TRPC1: variants seen among roughly 807,000 people sequenced by gnomAD.
TRPC1 encodes transient receptor potential cation channel subfamily C member 1.
A neutral mutation model predicts 88.2 loss-of-function variants in TRPC1; 42 were observed. That is an observed-to-expected ratio of 0.48 (90% CI 0.37 to 0.62). TRPC1 has a LOEUF of 0.62. TRPC1 is among the 20% of genes least tolerant of loss of function. The probability of loss-of-function intolerance (pLI) is 0.00; values close to 1 mark genes in which losing one functional copy is unlikely to be tolerated. For synonymous variants in TRPC1, 288 were observed against 331.8 expected, an observed-to-expected ratio of 0.87 and a Z score of 1.43; for missense variants, 699 against 957.3, an observed-to-expected ratio of 0.73 and a Z score of 3.56.
At chr3:142,726,452 T>A (rs1933671488) in intron 1 of TRPC1, among the ~76,000 whole-genome samples, 2 of 152,172 alleles carry the variant, frequency 1.3e-5, no homozygotes, top group Admixed American at 1.3e-4. Context: ...TTTTATTTTA[T>A]AACATAATTG....
At chr3:142,732,439 G>C (rs1182995939) in intron 1 of TRPC1, among the ~76,000 whole-genome samples, 3 of 152,136 alleles carry the variant, frequency 2.0e-5, no homozygotes, top group Non-Finnish European at 4.4e-5. Flanking sequence ...GTTTATATGG[G>C]CCAAGGTGGA....
chr3:142,727,636 A>G (rs894177663), intron 1 of TRPC1, among the ~76,000 whole-genome samples: 14 of 152,146 alleles, frequency 9.2e-5, no homozygotes, highest in Admixed American at 9.2e-4. Context: ...GGAAAACCTT[A>G]ATTGAAAGTT....
intron 4 of TRPC1, among the ~76,000 whole-genome samples, chr3:142,773,047 T>C (rs1935630263): frequency 1.3e-5 from 2 of 152,170 alleles, no homozygotes; most frequent in Admixed American, 1.3e-4. Context: ...TCATTGTACC[T>C]TAATTTCCTT....
chr3:142,797,462 G>A (rs1315708675), intron 9 of TRPC1, among the ~76,000 whole-genome samples: 1 of 152,134 alleles, frequency 6.6e-6, no homozygotes, highest in Non-Finnish European at 1.5e-5. Context: ...CAGACCAAAG[G>A]AGGGGAGCTC....
chr3:142,790,917 G>T, intron 7 of TRPC1, 102 bp from the exon 8 acceptor site: 8 of 968,342 alleles, frequency 8.3e-6, no homozygotes, highest in Non-Finnish European at 1.1e-5. Flanking sequence ...TTTTGAATAA[G>T]GCCCAAGGAT....
chr3:142,748,080 T>A, intron 3 of TRPC1, among the ~76,000 whole-genome samples, 178 bp from the exon 4 acceptor site: 1 of 152,196 alleles, frequency 6.6e-6, no homozygotes, highest in East Asian at 1.9e-4. Flanking sequence ...CATTTATTAA[T>A]TAGAGTTAAG....
In TRPC1 at chr3:142,793,709, T is replaced by C. The variant is rs1936365929; in HGVS notation, c.1581+742T>C. Reference sequence around the variant, plus strand: ...ACTCTGCTAGCTCTATGTAATACTATAGCTTATTATTTCTGAAAATCTGAA... The same window carrying C: ...ACTCTGCTAGCTCTATGTAATACTACAGCTTATTATTTCTGAAAATCTGAA... On this transcript the variant is annotated intron_variant, in intron 9 of 12. Coordinates refer to ENST00000476941, the MANE Select transcript of TRPC1 (RefSeq NM_001251845.2). 7.3e-6 allele frequency: 3 copies of C among 413,536 alleles called. No individual in the cohort carries two copies. The South Asian group carries it at 3.0e-4, about 42-fold the overall frequency. The allele number at this position is 413,536 out of a possible 1,614,324, so 25.6% of individuals were successfully genotyped here.
rs1936832450 is a variant in TRPC1 at position 142,807,599 on chromosome 3, T to G, written c.*1364T>G. The stretch of plus-strand genomic sequence containing the variant: ...GTTACTATTGTTTGTTTCATCTTGC[T>G]TTTGCATTTTTATTTTTTAATTTCC... On this transcript the variant is annotated 3_prime_UTR_variant, in exon 13 of 13. Transcript: ENST00000476941. 6.6e-6 allele frequency: 1 copy of G among 152,220 alleles called. No individual in the cohort carries two copies. Among genetic ancestry groups the G allele is most frequent in the Admixed American group, 6.5e-5 (1 of 15,284 alleles). The allele number at this position is 152,220 out of a possible 1,614,324, so 9.4% of individuals were successfully genotyped here.
intron 4 of TRPC1, among the ~76,000 whole-genome samples, chr3:142,753,195 A>C (rs183689013): frequency 3.0e-3 from 459 of 152,246 alleles, no homozygotes; most frequent in Non-Finnish European, 5.3e-3. Context: ...AGGTTGGGGG[A>C]CAAACTTGTT....
intron 1 of TRPC1, among the ~76,000 whole-genome samples, chr3:142,730,039 T>C (rs915532460): frequency 2.6e-5 from 4 of 152,152 alleles, no homozygotes; most frequent in African/African-American, 7.2e-5. Flanking sequence ...TCTAGTTTTA[T>C]AAATATGTAT....
chr3:142,743,260 A>G (rs889324189), intron 2 of TRPC1, among the ~76,000 whole-genome samples: 7 of 151,864 alleles, frequency 4.6e-5, no homozygotes, highest in African/African-American at 1.7e-4. Context: ...TATTTTACCA[A>G]CTCATGCATT....
chr3:142,737,284 T>C (rs551518201), intron 2 of TRPC1, among the ~76,000 whole-genome samples: 1 of 151,740 alleles, frequency 6.6e-6, no homozygotes, highest in Non-Finnish European at 1.5e-5. Context: ...ACAGCAGATT[T>C]TCTGAATATA....
chr3:142,805,750 T>C (rs1426644695), intron 12 of TRPC1, among the ~76,000 whole-genome samples: 1 of 152,164 alleles, frequency 6.6e-6, no homozygotes. Flanking sequence ...GGGTTGTAGT[T>C]TGCCAATCCC....
intron 5 of TRPC1, among the ~76,000 whole-genome samples, chr3:142,778,112 C>T (rs936508066): frequency 1.3e-5 from 2 of 152,158 alleles, no homozygotes; most frequent in African/African-American, 2.4e-5. Flanking sequence ...ACACATATCT[C>T]CTCATTCTCT....
At chr3:142,787,745 T>C (rs946711619) in intron 7 of TRPC1, among the ~76,000 whole-genome samples, 1 of 152,022 alleles carries the variant, frequency 6.6e-6, no homozygotes, top group African/African-American at 2.4e-5. Flanking sequence ...AACTCAAAAA[T>C]GGATTAAGTG....
At chr3:142,804,278 A>G in intron 11 of TRPC1, 100 bp downstream of exon 11, 1 of 1,213,082 alleles carries the variant, frequency 8.2e-7, no homozygotes, top group East Asian at 2.6e-5. Flanking sequence ...AAGAATTGAA[A>G]AATAGTATTT....
In TRPC1 at chr3:142,806,084, C is replaced by T. The variant is rs1349211323; in HGVS notation, c.2231C>T (p.Thr744Ile). The T allele has an allele frequency of 6.2e-7, 1 of 1,613,984 alleles. No homozygotes were observed. Among genetic ancestry groups the T allele is most frequent in the African/African-American group, 1.3e-5 (1 of 75,044 alleles). Residue 744 changes from threonine to isoleucine, a missense_variant, in exon 13 of 13, where the codon ACT becomes ATT. Physicochemically the swap from Thr to Ile is moderately conservative, Grantham distance 89 (BLOSUM62 -1). Coordinates refer to ENST00000476941, the MANE Select transcript of TRPC1 (RefSeq NM_001251845.2). The stretch of plus-strand genomic sequence containing the variant: ...TGCTGCCTAGTGCATCGTTACTTGA[C>T]TTCCATGAGACAGAAGATGCAAAGT... The part of the protein sequence containing the change: ...VMCCLVHRYL[T>I]SMRQKMQSTD...
intron 1 of TRPC1, among the ~76,000 whole-genome samples, chr3:142,736,162 A>C (rs1934129545): frequency 6.6e-6 from 1 of 152,018 alleles, no homozygotes. Context: ...TACATTTAAA[A>C]ATTTTCTACT....
chr3:142,734,523 G>A (rs1934047544), intron 1 of TRPC1, among the ~76,000 whole-genome samples: 1 of 152,058 alleles, frequency 6.6e-6, no homozygotes, highest in Admixed American at 6.6e-5. Context: ...GAAATGGGAA[G>A]GTCTAACTTA....
Sources: allele counts gnomAD v4.1 joint callset (sites outside exome capture counted in the v4.1 genomes callset), GRCh38; gene constraint gnomAD v4.1.1; transcripts MANE v1.5; gene names NCBI Gene and HGNC (gene_info 2026-07-23, HGNC 2026-07-21).